Variants in MYOF observed in about 807,000 individuals in gnomAD.
MYOF encodes the protein myoferlin.
In MYOF, 244 loss-of-function variants were observed where a neutral mutation model predicts 284.2. That is an observed-to-expected ratio of 0.86 (90% CI 0.77 to 0.95). The LOEUF is 0.95. Among genes scored for constraint, MYOF ranks in the 40% least tolerant of loss-of-function variants. MYOF has a pLI of 0.00. For missense variants in MYOF, 2,496 were observed against 2,560.6 expected, an observed-to-expected ratio of 0.97 and a Z score of 0.54; for synonymous variants, 904 against 919.7, an observed-to-expected ratio of 0.98 and a Z score of 0.31.
At chr10:93,438,019 C>T (rs193171564) in intron 3 of MYOF, among the ~76,000 whole-genome samples, 4 of 152,270 alleles carry the variant, frequency 2.6e-5, no homozygotes, top group Non-Finnish European at 2.9e-5. Context: ...GAATCCTACT[C>T]GGTCAGTTTA....
At chr10:93,383,675 C>T (rs187135363) in intron 19 of MYOF, among the ~76,000 whole-genome samples, 3 of 152,250 alleles carry the variant, frequency 2.0e-5, no homozygotes, top group Non-Finnish European at 4.4e-5. Context: ...CTACATACAG[C>T]ATAACTTCTT....
intron 5 of MYOF, among the ~76,000 whole-genome samples, chr10:93,412,941 C>T (rs1847966895): frequency 1.3e-5 from 2 of 152,128 alleles, no homozygotes; most frequent in African/African-American, 4.8e-5. Context: ...CGAGCAATGG[C>T]TGGGGCTGAC....
At chr10:93,374,573 T>A (rs2133976431) in intron 23 of MYOF, among the ~76,000 whole-genome samples, 190 bp downstream of exon 23, 1 of 152,364 alleles carries the variant, frequency 6.6e-6, no homozygotes, top group East Asian at 1.9e-4. Flanking sequence ...ATTCTTCCCC[T>A]GCTCTGATTT....
chr10:93,391,237 G>A (rs1001523751), intron 17 of MYOF, among the ~76,000 whole-genome samples: 2 of 152,144 alleles, frequency 1.3e-5, no homozygotes, highest in Admixed American at 6.5e-5. Context: ...GTTTCATTGT[G>A]CATTAACAGA....
chr10:93,481,731 C>G (rs1193119298), intron 1 of MYOF, among the ~76,000 whole-genome samples: 1 of 152,178 alleles, frequency 6.6e-6, no homozygotes, highest in East Asian at 1.9e-4. Context: ...AATTTAATTG[C>G]TCTTCTTCCT....
chr10:93,482,268 G>A lies in MYOF; in HGVS notation c.-74C>T, dbSNP rs570355843. 5 of 1,271,406 alleles carry A rather than the reference G, an allele frequency of 3.9e-6. No homozygotes were observed. The South Asian group carries it at 5.1e-5, about 13-fold the overall frequency. 78.8% of individuals were successfully genotyped at this position (1,271,406 alleles called of 1,614,324 possible). A position where few individuals can be genotyped will look rare whatever the true frequency, so the allele number is the denominator to read the frequency against. On this transcript the variant is annotated 5_prime_UTR_variant, in exon 1 of 54. Coordinates refer to ENST00000359263, the MANE Select transcript of MYOF (RefSeq NM_013451.4). ...GGGCGCTGGAGCTCCGGGTCGCACC[G>A]CCCTGGGAGAGAAGTTCTCTCCCAG...
chr10:93,452,341 G>A (rs1238385245), intron 2 of MYOF, among the ~76,000 whole-genome samples, 200 bp from the exon 3 acceptor site: 3 of 152,044 alleles, frequency 2.0e-5, no homozygotes, highest in African/African-American at 7.2e-5. Flanking sequence ...TCGACTTAGA[G>A]GACCTGTAGA....
chr10:93,346,857 A>G (rs1844206718), intron 37 of MYOF, among the ~76,000 whole-genome samples: 1 of 152,156 alleles, frequency 6.6e-6, no homozygotes, highest in African/African-American at 2.4e-5. Flanking sequence ...GATATCTAGA[A>G]CAGCACGTGG....
chr10:93,406,570 C>CA lies in MYOF; in HGVS notation c.729+2216_729+2217insT, dbSNP rs60703429. On this transcript the variant is annotated intron_variant, in intron 7 of 53. Coordinates refer to ENST00000359263, the MANE Select transcript of MYOF (RefSeq NM_013451.4). Reference sequence around the variant, plus strand: ...ATCCAGCATCTTGCCTCCTCCCCACCCATCCAGTCTTGCCCTCCAACGTGA... The same window carrying CA: ...ATCCAGCATCTTGCCTCCTCCCCACCACATCCAGTCTTGCCCTCCAACGTGA... 3.6e-3 allele frequency among the ~76,000 whole-genome samples: 546 copies of CA among 150,338 alleles called. 4 individuals carry two copies. Among genetic ancestry groups the CA allele is most frequent in the African/African-American group, 0.013 (526 of 40,738 alleles).
In MYOF at chr10:93,456,884, C is replaced by T; in HGVS notation, c.142G>A (p.Glu48Lys). The T allele has an allele frequency of 6.2e-7, 1 of 1,605,112 alleles. No individual in the cohort carries two copies. The highest frequency in any genetic ancestry group is 1.1e-5 in the South Asian group (1 of 89,646). The change falls in exon 2 of 54, where the codon GAG (glutamate) becomes AAG (lysine). Residue 48 changes from glutamate (E) to lysine (K), a missense_variant and splice_region_variant. Physicochemically the swap from Glu to Lys is moderately conservative, Grantham distance 56 (BLOSUM62 1). This residue lies in a region of MYOF where 57 missense variants were observed against 62.4 expected (regional missense o/e 0.91). Coordinates refer to ENST00000359263, the MANE Select transcript of MYOF (RefSeq NM_013451.4). ...AGTTGAAAAAACAATGAAGTCACCT[C>T]ATTCCAGACAGGGTTCAATTCATTA... The part of the protein sequence containing the change: ...VDNELNPVWN[E>K]ILEFDLRGIP...
intron 5 of MYOF, among the ~76,000 whole-genome samples, chr10:93,410,962 A>G (rs778453621): frequency 1.1e-4 from 16 of 152,196 alleles, no homozygotes; most frequent in Non-Finnish European, 2.4e-4. Flanking sequence ...CTTTCGAGCT[A>G]TGTGAGTCTG....
chr10:93,309,738 GAC>G (rs927774492), intron 53 of MYOF, among the ~76,000 whole-genome samples: 11 of 152,176 alleles, frequency 7.2e-5, no homozygotes, highest in African/African-American at 2.7e-4. Context: ...CCATAGTCCA[GAC>G]ACACACTGAC....
intron 4 of MYOF, among the ~76,000 whole-genome samples, chr10:93,427,857 T>G (rs1848666250): frequency 1.3e-5 from 2 of 151,964 alleles, no homozygotes; most frequent in Admixed American, 6.6e-5. Flanking sequence ...GGGCAGAGTT[T>G]GCTGTATACA....
intron 1 of MYOF, among the ~76,000 whole-genome samples, chr10:93,460,580 AT>A (rs2056849083): frequency 7.5e-5 from 1 of 13,294 alleles, no homozygotes; most frequent in African/African-American, 8.4e-5. Context: ...CCTGGACAAC[AT>A]GGGTGAAACC....
chr10:93,383,563 G>GC (rs750636935), intron 19 of MYOF, among the ~76,000 whole-genome samples: 1 of 152,132 alleles, frequency 6.6e-6, no homozygotes, highest in Non-Finnish European at 1.5e-5. Context: ...CCACAGCGAA[G>GC]CCCCCTGGAA....
At chr10:93,443,408 G>A (rs1377377445) in intron 3 of MYOF, among the ~76,000 whole-genome samples, 2 of 151,784 alleles carry the variant, frequency 1.3e-5, no homozygotes, top group Admixed American at 6.6e-5. Flanking sequence ...GCAAGTCTCT[G>A]AAGTGCTCTC....
intron 4 of MYOF, among the ~76,000 whole-genome samples, chr10:93,429,355 C>T (rs1189481547): frequency 1.3e-5 from 2 of 152,080 alleles, no homozygotes; most frequent in Non-Finnish European, 2.9e-5. Context: ...CCAAATAAAC[C>T]TCTTTTCTTT....
chr10:93,372,347 T>C (rs895666489), intron 24 of MYOF, among the ~76,000 whole-genome samples: 1 of 152,186 alleles, frequency 6.6e-6, no homozygotes, highest in Non-Finnish European at 1.5e-5. Context: ...TGTATGAAGC[T>C]CCTAAATTCT....
At chr10:93,337,496 A>ACTT (rs1313752558) in intron 40 of MYOF, 1 of 285,334 alleles carries the variant, frequency 3.5e-6, no homozygotes, top group Non-Finnish European at 6.5e-6. Context: ...GAGCACTATG[A>ACTT]CTTCTGGGTT....
Sources: gnomAD v4.1 joint callset for allele counts (sites outside exome capture counted in the v4.1 genomes callset) on GRCh38, gnomAD v4.1.1 for gene constraint, gnomAD v4.1.1 regional missense constraint, MANE v1.5 for transcripts, NCBI Gene and HGNC (gene_info 2026-07-23, HGNC 2026-07-21) for gene names.